The following MED12L variants were observed in gnomAD, a reference collection of about 807,000 sequenced individuals.
MED12L encodes mediator of RNA polymerase II transcription subunit 12-like protein.
MED12L carries 60 observed loss-of-function variants against 281.3 expected under a neutral mutation model. The ratio of observed to expected loss-of-function variants is 0.21; its 90% CI spans 0.17 to 0.26. The LOEUF (loss-of-function observed/expected upper bound fraction) is 0.26. Among genes scored for constraint, MED12L ranks in the 10% least tolerant of loss-of-function variants. The probability of loss-of-function intolerance (pLI) is 1.00; values close to 1 mark genes in which losing one functional copy is unlikely to be tolerated. For missense variants in MED12L, 2,146 were observed against 2,680.9 expected (o/e 0.80, Z 4.41); for synonymous variants, 974 against 987.2 (o/e 0.99, Z 0.25).
chr3:151,351,512 G>C (rs912990637), intron 17 of MED12L, among the ~76,000 whole-genome samples: 1 of 152,064 alleles, frequency 6.6e-6, no homozygotes, highest in Non-Finnish European at 1.5e-5. Flanking sequence ...TATTGAGTTT[G>C]AAAAAAGAAA....
Position 151,409,227 on chromosome 3 carries a change from T to C in MED12L, c.5821-16T>C, listed in dbSNP as rs1202292778. ...TGCTGTTATGATCAAGAGTTTGCTTTGGCTTTGTTTTCCAGGGCCAGCCGG... is the reference window on the plus strand; with the variant it reads ...TGCTGTTATGATCAAGAGTTTGCTTCGGCTTTGTTTTCCAGGGCCAGCCGG... On this transcript the variant is annotated splice_polypyrimidine_tract_variant and intron_variant, in intron 39 of 44. Coordinates refer to ENST00000687756, the MANE Select transcript of MED12L (RefSeq NM_001393769.1). The C allele has an allele frequency of 6.3e-6, 10 of 1,578,782 alleles. No individual in the cohort carries two copies. Among genetic ancestry groups the C allele is most frequent in the Non-Finnish European group, 8.6e-6 (10 of 1,168,172 alleles).
chr3:151,355,086 A>G (rs771917597), intron 17 of MED12L, 35 bp from the exon 18 acceptor site: 18 of 1,512,612 alleles, frequency 1.2e-5, no homozygotes, highest in African/African-American at 8.3e-5. Context: ...CTTCTATTAA[A>G]TGGAAAATAA....
chr3:151,368,736 T>TG (rs1275925466), intron 25 of MED12L, among the ~76,000 whole-genome samples: 27 of 101,610 alleles, frequency 2.7e-4, no homozygotes, highest in Admixed American at 4.4e-4. Flanking sequence ...TTTCATTTCA[T>TG]TTCATTTCAT....
intron 14 of MED12L, among the ~76,000 whole-genome samples, chr3:151,191,987 C>G (rs76085782): frequency 6.6e-6 from 1 of 151,898 alleles, no homozygotes; most frequent in African/African-American, 2.4e-5. Context: ...GCTATACTTA[C>G]AATTAAAAAC....
At chr3:151,400,178 C>G (rs1253376858) in intron 39 of MED12L, among the ~76,000 whole-genome samples, 1 of 152,218 alleles carries the variant, frequency 6.6e-6, no homozygotes, top group Non-Finnish European at 1.5e-5. Context: ...AAGGGGCTTG[C>G]AGAAGCAATC....
intron 2 of MED12L, among the ~76,000 whole-genome samples, chr3:151,109,536 A>G (rs1167700584): frequency 2.0e-5 from 3 of 152,066 alleles, no homozygotes; most frequent in African/African-American, 2.4e-5. Context: ...TCCTTTCTCT[A>G]TGTTTGGATT....
intron 16 of MED12L, chr3:151,294,738 C>A: frequency 6.2e-7 from 1 of 1,614,056 alleles, no homozygotes; most frequent in Non-Finnish European, 8.5e-7. Flanking sequence ...GACAAAACAG[C>A]CATGATCACC....
chr3:151,372,567 G>T lies in MED12L; in HGVS notation c.3665G>T (p.Gly1222Val). ...TTGCTTTTGTGATTCTATTACTTAG[G>T]AGATGCCAAAATTGGCAATAACAGT... ...FAVLKAIMML[G>V]DAKIGNNSVS... Residue 1222 changes from glycine to valine, a missense_variant and splice_region_variant, in exon 27 of 45, where the codon GGA becomes GTA. Physicochemically the swap from Gly to Val is moderately radical, Grantham distance 109. This residue lies in a region of MED12L where 404 missense variants were observed against 603.5 expected (regional missense o/e 0.67). Transcript: ENST00000687756. The T allele has an allele frequency of 1.2e-6, 2 of 1,612,914 alleles. No individual in the cohort carries two copies. The highest frequency in any genetic ancestry group is 2.2e-5 in the South Asian group (2 of 91,016).
Position 151,190,734 on chromosome 3 carries a change from T to C in MED12L, c.1771T>C (p.Cys591Arg). Residue 591 changes from cysteine (C) to arginine (R), a missense_variant, in exon 14 of 45, where the codon TGT becomes CGT. Physicochemically the swap from Cys to Arg is radical, Grantham distance 180. Around this residue, in one of 9 missense-constraint regions of MED12L, gnomAD observed 722 missense variants for 861.2 expected, o/e 0.84. Transcript: ENST00000687756. ...APSLSDPNSE[C>R]EKVEFVNLVL... ...CTCTATAGCGGACCCAAACAGTGAATGTGAAAAGGTGGAATTTGTGAACCT... is the reference window on the plus strand; with the variant it reads ...CTCTATAGCGGACCCAAACAGTGAACGTGAAAAGGTGGAATTTGTGAACCT... The C allele has an allele frequency of 6.2e-7, 1 of 1,614,160 alleles. No homozygotes were observed. Among genetic ancestry groups the C allele is most frequent in the Non-Finnish European group, 8.5e-7 (1 of 1,180,032 alleles).
At chr3:151,183,395 G>A (rs896082203) in intron 11 of MED12L, among the ~76,000 whole-genome samples, 9 of 152,180 alleles carry the variant, frequency 5.9e-5, no homozygotes, top group African/African-American at 1.7e-4. Context: ...AGCACTGAAC[G>A]CTCATGCACA....
At chr3:151,284,528 T>C (rs984806925) in intron 16 of MED12L, among the ~76,000 whole-genome samples, 1 of 152,208 alleles carries the variant, frequency 6.6e-6, no homozygotes, top group African/African-American at 2.4e-5. Flanking sequence ...CAGTTATTCT[T>C]AGGCTATTAT....
At chr3:151,086,753 C>T in intron 1 of MED12L, 45 bp from the exon 2 acceptor site, 1 of 551,400 alleles carries the variant, frequency 1.8e-6, no homozygotes, top group Non-Finnish European at 3.2e-6. Context: ...TGTCTGCTGC[C>T]GGGCAGCGGC....
intron 39 of MED12L, among the ~76,000 whole-genome samples, chr3:151,396,182 G>A (rs1303529690): frequency 6.7e-6 from 1 of 149,136 alleles, no homozygotes; most frequent in Non-Finnish European, 1.5e-5. Context: ...CATGTTTAGA[G>A]CCATTTAAAA....
intron 16 of MED12L, among the ~76,000 whole-genome samples, chr3:151,229,745 A>G (rs1013891135): frequency 8.6e-5 from 13 of 151,878 alleles, no homozygotes; most frequent in African/African-American, 2.4e-5. Flanking sequence ...GATTACAGGC[A>G]TGAGCCACTG....
At chr3:151,425,552 A>G (rs1718778718) in intron 43 of MED12L, 2 of 417,844 alleles carry the variant, frequency 4.8e-6, no homozygotes, top group South Asian at 1.6e-5. Flanking sequence ...CAGTAAATAC[A>G]TTTTTGTTTT....
At position 151,355,964 on chromosome 3, in the gene MED12L, T is replaced by C; in HGVS notation, c.2586T>C (p.Ala862=). ...GAACATCCTATCATCTCCCTTTGGC[T>C]CACCACATTCAGCTCATCTTTGATC... ...ASGTSYHLPL[A]HHIQLIFDLM... The change falls in exon 19 of 45, where the codon GCT becomes GCC. Residue 862 remains alanine (A), a synonymous_variant. Coordinates refer to ENST00000687756, the MANE Select transcript of MED12L (RefSeq NM_001393769.1). 1.9e-6 allele frequency: 3 copies of C among 1,614,140 alleles called. No individual in the cohort carries two copies. Among genetic ancestry groups the C allele is most frequent in the Non-Finnish European group, 2.5e-6 (3 of 1,179,988 alleles).
At chr3:151,274,818 A>G (rs1021127528) in intron 16 of MED12L, among the ~76,000 whole-genome samples, 1 of 152,228 alleles carries the variant, frequency 6.6e-6, no homozygotes, top group African/African-American at 2.4e-5. Flanking sequence ...AATGTAAGCC[A>G]CCAGAGGCCC....
intron 16 of MED12L, among the ~76,000 whole-genome samples, chr3:151,317,527 T>C (rs1748439720): frequency 7.2e-6 from 1 of 139,836 alleles, no homozygotes; most frequent in Non-Finnish European, 1.5e-5. Flanking sequence ...CTCAGCTTGC[T>C]GCAACCTCCA....
intron 39 of MED12L, among the ~76,000 whole-genome samples, chr3:151,407,240 A>G (rs942171301): frequency 9.2e-5 from 14 of 152,242 alleles, no homozygotes; most frequent in East Asian, 5.8e-4. Flanking sequence ...AAGTTCTTCA[A>G]TAAAAGCAAA....
Sources: gnomAD v4.1 joint callset for allele counts (sites outside exome capture counted in the v4.1 genomes callset) on GRCh38, gnomAD v4.1.1 for gene constraint, gnomAD v4.1.1 regional missense constraint, MANE v1.5 for transcripts, NCBI Gene and HGNC (gene_info 2026-07-23, HGNC 2026-07-21) for gene names.